The following ARHGEF3 variants were observed in gnomAD, a reference collection of about 807,000 sequenced individuals.
The protein encoded by ARHGEF3 is 59.8 kDA protein.
ARHGEF3 carries 28 observed loss-of-function variants against 63.2 expected under a neutral mutation model. The ratio of observed to expected loss-of-function variants is 0.44; its 90% CI spans 0.33 to 0.61. ARHGEF3 has a LOEUF of 0.61. Among genes scored for constraint, ARHGEF3 ranks in the 20% least tolerant of loss-of-function variants. The pLI is 0.03. For synonymous variants in ARHGEF3, 266 were observed against 254.2 expected (o/e 1.05, Z -0.44); for missense variants, 533 against 659.3 (o/e 0.81, Z 2.10).
At chr3:56,806,132 T>C (rs2037854561), upstream of ARHGEF3, among the ~76,000 whole-genome samples, 1 of 152,212 alleles carries the variant, frequency 6.6e-6, no homozygotes, top group African/African-American at 2.4e-5. Context: ...TCCACCTTGG[T>C]CCCTGACTTC....
At chr3:56,880,226 G>A (rs913990281) in intron 4 of ARHGEF3, among the ~76,000 whole-genome samples, 1 of 152,186 alleles carries the variant, frequency 6.6e-6, no homozygotes, top group Admixed American at 6.5e-5. Context: ...CATAGGGATC[G>A]GCCATGTTGG....
intron 2 of ARHGEF3, chr3:56,960,482 T>C (rs997882538): frequency 2.0e-5 from 3 of 152,192 alleles, no homozygotes; most frequent in Non-Finnish European, 2.9e-5. Context: ...CTGTGTTGAG[T>C]CAAGATGAGA....
At chr3:56,845,589 T>C (rs1219681412) in intron 4 of ARHGEF3, among the ~76,000 whole-genome samples, 1 of 152,222 alleles carries the variant, frequency 6.6e-6, no homozygotes, top group Non-Finnish European at 1.5e-5. Context: ...GAGAACAGTA[T>C]ACGTTTTAAT....
chr3:56,989,961 G>A (rs1366996567), intron 2 of ARHGEF3, among the ~76,000 whole-genome samples: 2 of 152,150 alleles, frequency 1.3e-5, no homozygotes, highest in African/African-American at 2.4e-5. Flanking sequence ...TCATGACCAC[G>A]CTATGGGACT....
intron 4 of ARHGEF3, among the ~76,000 whole-genome samples, chr3:56,881,969 T>A (rs1306427425): frequency 6.6e-6 from 1 of 152,212 alleles, no homozygotes; most frequent in Non-Finnish European, 1.5e-5. Context: ...GGGACAAACA[T>A]CTGTTCCATC....
At chr3:56,938,050 C>T (rs1698985659) in intron 3 of ARHGEF3, among the ~76,000 whole-genome samples, 1 of 152,160 alleles carries the variant, frequency 6.6e-6, no homozygotes, top group Non-Finnish European at 1.5e-5. Context: ...TCTCCTCTTC[C>T]CTGAATGTGT....
intron 2 of ARHGEF3, chr3:57,007,183 T>C: frequency 1.6e-6 from 2 of 1,280,250 alleles, no homozygotes; most frequent in Non-Finnish European, 2.0e-6. Flanking sequence ...CTGACTCACA[T>C]GAATTCTCAG....
chr3:57,000,387 T>C (rs1449087729), intron 2 of ARHGEF3, among the ~76,000 whole-genome samples: 3 of 151,656 alleles, frequency 2.0e-5, no homozygotes, highest in African/African-American at 7.3e-5. Flanking sequence ...TCCCTGATCA[T>C]AGGTAACAAC....
In ARHGEF3 at chr3:56,801,730, C is replaced by T. The variant is rs1251267666; in HGVS notation, c.69G>A (p.Pro23=). Residue 23 remains proline (P), a synonymous_variant, in exon 1 of 10, where the codon CCG becomes CCA. Coordinates refer to ENST00000296315, the MANE Select transcript of ARHGEF3 (RefSeq NM_019555.3). ...CAGCGTCCTTGGCCGGACCGCTGGC[C>T]GGGGGTAGCTCCAGGCTGCAGTTCG... is the stretch of plus-strand genomic sequence containing the variant. ...KRANCSLELP[P]ASGPAKDAEE... 1 of 1,566,510 alleles carries T rather than the reference C, an allele frequency of 6.4e-7. No homozygotes were observed. The highest frequency in any genetic ancestry group is 1.9e-5 in the Admixed American group (1 of 53,240).
chr3:56,990,764 C>T (rs1701717676), intron 2 of ARHGEF3, among the ~76,000 whole-genome samples: 1 of 152,186 alleles, frequency 6.6e-6, no homozygotes, highest in Admixed American at 6.5e-5. Flanking sequence ...CAGGCGGAGA[C>T]AGCCAGTAAC....
chr3:56,976,294 C>T (rs1405178194), intron 2 of ARHGEF3, among the ~76,000 whole-genome samples: 2 of 152,168 alleles, frequency 1.3e-5, no homozygotes, highest in Non-Finnish European at 1.5e-5. Flanking sequence ...CTGCCGGCCT[C>T]GGCCTCCCAG....
chr3:57,002,577 A>T (rs1296635423), intron 2 of ARHGEF3, among the ~76,000 whole-genome samples: 1 of 139,564 alleles, frequency 7.2e-6, no homozygotes, highest in African/African-American at 2.7e-5. Flanking sequence ...TGTATGTTAT[A>T]TGTGTTATAT....
intron 4 of ARHGEF3, among the ~76,000 whole-genome samples, chr3:56,858,273 T>C (rs2108176201): frequency 6.6e-6 from 1 of 151,520 alleles, no homozygotes; most frequent in African/African-American, 2.4e-5. Flanking sequence ...AAAAGGCTTC[T>C]TCTTTCCTTC....
chr3:56,869,818 AATCAGAAACAAAAGT>A (rs539133615), intron 4 of ARHGEF3, among the ~76,000 whole-genome samples: 95 of 152,346 alleles, frequency 6.2e-4, no homozygotes, highest in African/African-American at 2.2e-3. Context: ...CTGGAAAAAA[AATCAGAAACAAAAGT>A]ATTACTTTCT....
At chr3:56,895,083 C>T (rs2041253591) in intron 3 of ARHGEF3, among the ~76,000 whole-genome samples, 1 of 151,108 alleles carries the variant, frequency 6.6e-6, no homozygotes, top group Non-Finnish European at 1.5e-5. Flanking sequence ...GGGCCCTCTA[C>T]CTCCCTCCCT....
chr3:56,995,204 A>G (rs972435233), intron 2 of ARHGEF3, among the ~76,000 whole-genome samples: 15 of 152,148 alleles, frequency 9.9e-5, no homozygotes, highest in Non-Finnish European at 2.1e-4. Context: ...TTTGTAAAGC[A>G]ATTTATGCTC....
At chr3:56,832,703 A>G (rs1469198912) in intron 4 of ARHGEF3, among the ~76,000 whole-genome samples, 1 of 152,254 alleles carries the variant, frequency 6.6e-6, no homozygotes, top group African/African-American at 2.4e-5. Flanking sequence ...CTGTACAGCC[A>G]TCTCTACTAT....
At chr3:56,982,149 CAA>C (rs912415033) in intron 2 of ARHGEF3, among the ~76,000 whole-genome samples, 1 of 151,882 alleles carries the variant, frequency 6.6e-6, no homozygotes, top group Admixed American at 6.6e-5. Context: ...AGCAAGAGAC[CAA>C]GAGAGAGAAG....
At chr3:57,018,404 T>G (rs1703113703) in intron 2 of ARHGEF3, among the ~76,000 whole-genome samples, 1 of 152,196 alleles carries the variant, frequency 6.6e-6, no homozygotes, top group Non-Finnish European at 1.5e-5. Context: ...TTGTTTGCAT[T>G]ATCTCATTTC....
Sources: allele counts gnomAD v4.1 joint callset (sites outside exome capture counted in the v4.1 genomes callset), GRCh38; gene constraint gnomAD v4.1.1; transcripts MANE v1.5; gene names NCBI Gene and HGNC (gene_info 2026-07-23, HGNC 2026-07-21).